CSMD1: variants seen among roughly 807,000 people sequenced by gnomAD.
CSMD1 encodes CUB and sushi domain-containing protein 1.
CSMD1 carries 213 observed loss-of-function variants against 417.5 expected under a neutral mutation model. The observed-to-expected ratio is 0.51, with a 90% CI of 0.46 to 0.57. The LOEUF (loss-of-function observed/expected upper bound fraction) is 0.57, where lower values mean the gene tolerates loss of function less well. CSMD1 is among the 20% of genes least tolerant of loss of function. The probability of loss-of-function intolerance (pLI) is 0.00; values close to 1 mark genes in which losing one functional copy is unlikely to be tolerated. For missense variants in CSMD1, 6,923 were observed against 4,529.7 expected (o/e 1.53, Z -15.17); for synonymous variants, 2,862 against 1,736.8 (o/e 1.65, Z -16.11).
At chr8:3,892,222 G>A (rs1334284398) in intron 5 of CSMD1, among the ~76,000 whole-genome samples, 2 of 152,144 alleles carry the variant, frequency 1.3e-5, no homozygotes, top group Non-Finnish European at 2.9e-5. Flanking sequence ...TTAAATTAAA[G>A]TGCTGAGGTC....
chr8:4,334,151 C>T (rs930677835), intron 3 of CSMD1, among the ~76,000 whole-genome samples: 1 of 152,126 alleles, frequency 6.6e-6, no homozygotes, highest in Non-Finnish European at 1.5e-5. Flanking sequence ...AAGATATCCT[C>T]TGGCCTCAGC....
intron 3 of CSMD1, among the ~76,000 whole-genome samples, chr8:4,290,995 A>G (rs918637338): frequency 6.6e-6 from 1 of 152,142 alleles, no homozygotes; most frequent in African/African-American, 2.4e-5. Context: ...TGTATTTGTT[A>G]AATGTATATG....
intron 5 of CSMD1, among the ~76,000 whole-genome samples, chr8:3,850,688 C>G (rs906988197): frequency 3.3e-5 from 5 of 151,940 alleles, no homozygotes; most frequent in South Asian, 2.1e-4. Flanking sequence ...GAGTGCGACT[C>G]TGTCTCAAAA....
Position 3,214,572 on chromosome 8 carries a change from C to G in CSMD1, c.4792G>C (p.Asp1598His), listed in dbSNP as rs1797786153. The change falls in exon 30 of 70, where the codon GAC (aspartate) becomes CAC (histidine). Residue 1598 changes from aspartate (D) to histidine (H), a missense_variant. Coordinates refer to ENST00000635120, the MANE Select transcript of CSMD1 (RefSeq NM_033225.6). ...YQCDSGYKIL[D>H]PSSITCVIGA... ...ATCACACAGGTGATGGATGAGGGGT[C>G]AAGAATCTTATAGCCAGAGTCACAC... 6.3e-7 allele frequency: 1 copy of G among 1,585,426 alleles called. No individual in the cohort carries two copies. The highest frequency in any genetic ancestry group is 8.6e-7 in the Non-Finnish European group (1 of 1,165,338).
At chr8:4,732,722 C>A (rs941796067) in intron 1 of CSMD1, among the ~76,000 whole-genome samples, 2 of 152,110 alleles carry the variant, frequency 1.3e-5, no homozygotes, top group African/African-American at 4.8e-5. Context: ...TAGTTTACAT[C>A]GTTTTTAACC....
intron 52 of CSMD1, among the ~76,000 whole-genome samples, chr8:3,012,097 G>T (rs997526662): frequency 7.2e-5 from 11 of 152,140 alleles, no homozygotes; most frequent in African/African-American, 2.4e-4. Flanking sequence ...CAGTAATAAC[G>T]CAGGAGTGAT....
At chr8:4,532,743 A>G (rs1441758002) in intron 2 of CSMD1, among the ~76,000 whole-genome samples, 1 of 145,068 alleles carries the variant, frequency 6.9e-6, no homozygotes, top group Non-Finnish European at 1.5e-5. Flanking sequence ...CAGAAAAGAA[A>G]TCCTGCACCC....
At chr8:3,316,561 C>A (rs1245255226) in intron 23 of CSMD1, among the ~76,000 whole-genome samples, 1 of 152,068 alleles carries the variant, frequency 6.6e-6, no homozygotes, top group African/African-American at 2.4e-5. Flanking sequence ...GGTCTAGGGG[C>A]CTCCTGGACG....
At chr8:4,458,390 A>G (rs1799614723) in intron 2 of CSMD1, among the ~76,000 whole-genome samples, 1 of 152,184 alleles carries the variant, frequency 6.6e-6, no homozygotes, top group African/African-American at 2.4e-5. Flanking sequence ...TAAAGTTATT[A>G]CAAGTTTATG....
chr8:4,515,561 G>C (rs893806554), intron 2 of CSMD1, among the ~76,000 whole-genome samples: 1 of 152,206 alleles, frequency 6.6e-6, no homozygotes, highest in African/African-American at 2.4e-5. Flanking sequence ...GATAAACCCA[G>C]TTAAATTCAA....
intron 57 of CSMD1, among the ~76,000 whole-genome samples, chr8:2,972,474 A>G (rs1052960943): frequency 8.5e-5 from 13 of 152,166 alleles, no homozygotes; most frequent in African/African-American, 3.1e-4. Context: ...TGAACTCCGA[A>G]TACATGGTTA....
chr8:4,035,382 C>T (rs1043430586), intron 3 of CSMD1, among the ~76,000 whole-genome samples: 7 of 152,126 alleles, frequency 4.6e-5, no homozygotes, highest in Non-Finnish European at 7.4e-5. Flanking sequence ...TCAGAGTGTG[C>T]TTCTTCTACT....
intron 6 of CSMD1, among the ~76,000 whole-genome samples, chr8:3,737,189 C>A (rs1257662019): frequency 6.6e-6 from 1 of 151,900 alleles, no homozygotes; most frequent in East Asian, 1.9e-4. Context: ...ACCCTAATCA[C>A]AAACAATGAC....
At chr8:3,745,780 T>A (rs1797037936) in intron 6 of CSMD1, among the ~76,000 whole-genome samples, 1 of 152,186 alleles carries the variant, frequency 6.6e-6, no homozygotes, top group Non-Finnish European at 1.5e-5. Context: ...TTCAGATCAT[T>A]AAGAGAACAA....
intron 4 of CSMD1, among the ~76,000 whole-genome samples, chr8:4,013,271 T>C (rs183070433): frequency 1.4e-4 from 22 of 152,238 alleles, no homozygotes; most frequent in African/African-American, 5.3e-4. Flanking sequence ...CCTCCAATTA[T>C]CCCATCTGCT....
intron 2 of CSMD1, among the ~76,000 whole-genome samples, chr8:4,426,941 G>A (rs1024241098): frequency 2.0e-5 from 3 of 151,984 alleles, no homozygotes; most frequent in Non-Finnish European, 4.4e-5. Flanking sequence ...AATTATGGTA[G>A]AAGTATTCGG....
intron 1 of CSMD1, among the ~76,000 whole-genome samples, chr8:4,917,704 CG>C (rs1480234455): frequency 6.6e-6 from 1 of 151,832 alleles, no homozygotes; most frequent in Non-Finnish European, 1.5e-5. Context: ...AGAGACAAAC[CG>C]TATCAGTGGG....
chr8:4,018,599 C>CAG (rs1247531432), intron 4 of CSMD1, among the ~76,000 whole-genome samples: 1 of 152,190 alleles, frequency 6.6e-6, no homozygotes, highest in East Asian at 1.9e-4. Flanking sequence ...ACCCCCTGCC[C>CAG]CACTCAGACT....
intron 68 of CSMD1, among the ~76,000 whole-genome samples, chr8:2,949,089 C>G (rs920475538): frequency 6.6e-6 from 1 of 151,606 alleles, no homozygotes; most frequent in African/African-American, 2.4e-5. Flanking sequence ...GATATGATGT[C>G]TGGCACATTT....
Sources: allele counts gnomAD v4.1 joint callset (sites outside exome capture counted in the v4.1 genomes callset), GRCh38; gene constraint gnomAD v4.1.1; transcripts MANE v1.5; gene names NCBI Gene and HGNC (gene_info 2026-07-23, HGNC 2026-07-21).